The following ZNF107 variants were observed in gnomAD, a reference collection of about 807,000 sequenced individuals.
ZNF107 encodes the protein zinc finger protein 107.
ZNF107 carries 19 observed loss-of-function variants against 12.3 expected under a neutral mutation model. That is an observed-to-expected ratio of 1.55 (90% CI 1.08 to 2.27). The LOEUF is 2.27. Ranked by LOEUF, ZNF107 falls within the 30% of genes most tolerant of loss-of-function variation. ZNF107 has a pLI of 0.00. For missense variants in ZNF107, 958 were observed against 979.9 expected (o/e 0.98, Z 0.30); for synonymous variants, 317 against 330.5 (o/e 0.96, Z 0.44).
intron 3 of ZNF107, among the ~76,000 whole-genome samples, chr7:64,704,831 A>G (rs1790587085): frequency 6.6e-6 from 1 of 152,156 alleles, no homozygotes; most frequent in South Asian, 2.1e-4. Flanking sequence ...GTGCACCACC[A>G]TGCCTCACTA....
intron 1 of ZNF107, among the ~76,000 whole-genome samples, chr7:64,675,521 C>G (rs1225082532): frequency 4.6e-5 from 7 of 151,890 alleles, no homozygotes; most frequent in Non-Finnish European, 8.8e-5. Flanking sequence ...GTTTATTTAA[C>G]TTATTAATTT....
intron 1 of ZNF107, among the ~76,000 whole-genome samples, chr7:64,675,024 T>C (rs1181730540): frequency 6.6e-6 from 1 of 152,226 alleles, no homozygotes; most frequent in East Asian, 1.9e-4. Flanking sequence ...TTGCTGATGA[T>C]TTTTGCATAA....
chr7:64,686,764 GT>G, intron 1 of ZNF107: 1 of 849,740 alleles, frequency 1.2e-6, no homozygotes, highest in Non-Finnish European at 1.4e-6. Flanking sequence ...CCAAAACCAT[GT>G]TGTAATTTTC....
chr7:64,672,771 G>T (rs557252616), intron 1 of ZNF107, among the ~76,000 whole-genome samples: 2 of 152,312 alleles, frequency 1.3e-5, no homozygotes, highest in East Asian at 3.9e-4. Flanking sequence ...GTGTCTCTGT[G>T]ATAGAATAAT....
chr7:64,708,214 A>C lies in ZNF107; in HGVS notation c.2117A>C (p.Gln706Pro). Residue 706 changes from glutamine to proline, a missense_variant, in exon 4 of 4, where the codon CAA becomes CCA. By Grantham distance (76) the Gln-to-Pro change is moderately conservative. Transcript: ENST00000620827. Reference protein sequence around the residue: ...KRIHTGEKPYQCAECGKAFNC... With the variant: ...KRIHTGEKPYPCAECGKAFNC... ...ATTCATACGGGAGAGAAACCTTACC[A>C]ATGTGCAGAATGTGGCAAAGCCTTT... is the stretch of plus-strand genomic sequence containing the variant. The C allele has an allele frequency of 6.2e-7, 1 of 1,613,352 alleles. No homozygotes were observed.
At chr7:64,676,678 C>G (rs930241148) in intron 1 of ZNF107, among the ~76,000 whole-genome samples, 1 of 152,188 alleles carries the variant, frequency 6.6e-6, no homozygotes, top group African/African-American at 2.4e-5. Context: ...AGATGAAAAG[C>G]TGCATACCTC....
At chr7:64,696,347 C>G (rs1584484271) in intron 3 of ZNF107, among the ~76,000 whole-genome samples, 1 of 152,164 alleles carries the variant, frequency 6.6e-6, no homozygotes, top group East Asian at 1.9e-4. Context: ...CGCATCCAGC[C>G]TACAGTTTTT....
intron 1 of ZNF107, chr7:64,679,341 G>C: frequency 5.1e-6 from 5 of 985,218 alleles, no homozygotes; most frequent in Non-Finnish European, 6.0e-6. Context: ...GGATAGGTAA[G>C]AGACCTCCAT....
chr7:64,687,448 G>GT (rs1789962221), intron 1 of ZNF107: 1 of 985,474 alleles, frequency 1.0e-6, no homozygotes, highest in Non-Finnish European at 1.2e-6. Flanking sequence ...GGCAGTTGGG[G>GT]TTATATATAG....
rs749112190 is a variant in ZNF107, at chr7:64,707,414, C to A, written c.1317C>A (p.Asn439Lys). 6.2e-7 allele frequency: 1 copy of A among 1,612,964 alleles called. No homozygotes were observed. The highest frequency in any genetic ancestry group is 1.3e-5 in the African/African-American group (1 of 74,818). Residue 439 changes from asparagine (N) to lysine (K), a missense_variant, in exon 4 of 4, where the codon AAC (asparagine) becomes AAA (lysine). Coordinates refer to ENST00000620827, the MANE Select transcript of ZNF107 (RefSeq NM_001282359.2). ...GCAAAGCTTTTAACCAATCTTCAAA[C>A]CTTACTGAACATAAGAAAATTCATA... ...ECGKAFNQSS[N>K]LTEHKKIHTA... is the part of the protein sequence containing the mutation.
At chr7:64,689,443 G>A (rs768693515) in intron 1 of ZNF107, 5 of 152,180 alleles carry the variant, frequency 3.3e-5, no homozygotes, top group African/African-American at 7.2e-5. Context: ...GAGGATCCAG[G>A]TGTAAATAGA....
At chr7:64,688,012 C>T (rs1281433994) in intron 1 of ZNF107, among the ~76,000 whole-genome samples, 1 of 152,156 alleles carries the variant, frequency 6.6e-6, no homozygotes, top group African/African-American at 2.4e-5. Flanking sequence ...TGCATGCTGT[C>T]CCCTAAATAT....
At chr7:64,691,810 G>T in intron 2 of ZNF107, 55 bp from the exon 3 acceptor site, 1 of 1,039,786 alleles carries the variant, frequency 9.6e-7, no homozygotes, top group Non-Finnish European at 1.3e-6. Flanking sequence ...TACTGGATTA[G>T]TAATTGGAGA....
chr7:64,709,592 T>C lies in ZNF107; in HGVS notation c.*936T>C. The C allele has an allele frequency of 2.4e-6, 1 of 418,190 alleles. No homozygotes were observed. The highest frequency in any genetic ancestry group is 1.7e-5 in the South Asian group (1 of 57,196). The allele number at this position is 418,190 out of a possible 1,614,324, so 25.9% of individuals were successfully genotyped here. On this transcript the variant is annotated 3_prime_UTR_variant, in exon 4 of 4. Coordinates refer to ENST00000620827, the MANE Select transcript of ZNF107 (RefSeq NM_001282359.2). ...TGTCACACTTGATTGTAGGTAAGAA[T>C]CCATACTGAAGAAAACTCCTGGAAG...
At chr7:64,671,857 CT>C (rs1789241396) in intron 1 of ZNF107, among the ~76,000 whole-genome samples, 1 of 149,434 alleles carries the variant, frequency 6.7e-6, no homozygotes, top group Admixed American at 6.7e-5. Context: ...TCTCTGCTCA[CT>C]GCAAGCTCTG....
chr7:64,708,253 C>G lies in ZNF107; in HGVS notation c.2156C>G (p.Thr719Ser). 6.2e-7 allele frequency: 1 copy of G among 1,612,730 alleles called. No individual in the cohort carries two copies. Among genetic ancestry groups the G allele is most frequent in the Middle Eastern group, 1.7e-4 (1 of 6,052 alleles). ...ECGKAFNCSSTLNRHKIIHTG... is the reference protein window; with the variant it reads ...ECGKAFNCSSSLNRHKIIHTG... ...GGCAAAGCCTTTAACTGCTCCTCAA[C>G]CCTTAATAGACATAAGATAATTCAT... The change falls in exon 4 of 4, where the codon ACC (threonine) becomes AGC (serine). Residue 719 changes from threonine to serine, a missense_variant. Thr to Ser is a moderately conservative substitution (Grantham distance 58). Coordinates refer to ENST00000620827, the MANE Select transcript of ZNF107 (RefSeq NM_001282359.2).
intron 1 of ZNF107, among the ~76,000 whole-genome samples, chr7:64,682,376 G>C (rs1789716839): frequency 6.6e-6 from 1 of 152,024 alleles, no homozygotes; most frequent in Non-Finnish European, 1.5e-5. Context: ...TCCACCTCTA[G>C]GTACCTGGTT....
Position 64,708,154 on chromosome 7 carries a change from A to G in ZNF107, c.2057A>G (p.Tyr686Cys), listed in dbSNP as rs752128707. The change falls in exon 4 of 4, where the codon TAT (tyrosine) becomes TGT (cysteine). Residue 686 changes from tyrosine (Y) to cysteine (C), a missense_variant. Coordinates refer to ENST00000620827, the MANE Select transcript of ZNF107 (RefSeq NM_001282359.2). ...PHKCEECGKA[Y>C]NRFSNLTIHK... Reference sequence around the variant, plus strand: ...AAATGTGAAGAATGTGGAAAAGCTTATAACCGATTCTCAAACCTAACTATA... The same window carrying G: ...AAATGTGAAGAATGTGGAAAAGCTTGTAACCGATTCTCAAACCTAACTATA... The G allele has an allele frequency of 2.5e-6, 4 of 1,611,442 alleles. No homozygotes were observed. The Admixed American group carries it at 6.7e-5, about 27-fold the overall frequency.
rs776531463 is a variant in ZNF107, at chr7:64,708,203, G to T, written c.2106G>T (p.Glu702Asp). The change falls in exon 4 of 4, where the codon GAG (glutamate) becomes GAT (aspartate). Residue 702 changes from glutamate (E) to aspartate (D), a missense_variant. Coordinates refer to ENST00000620827, the MANE Select transcript of ZNF107 (RefSeq NM_001282359.2). ...LTIHKRIHTG[E>D]KPYQCAECGK... ...TACATAAGAGAATTCATACGGGAGA[G>T]AAACCTTACCAATGTGCAGAATGTG... The T allele has an allele frequency of 6.2e-7, 1 of 1,613,100 alleles. No homozygotes were observed. The highest frequency in any genetic ancestry group is 2.2e-5 in the East Asian group (1 of 44,838).
Sources: allele counts gnomAD v4.1 joint callset (sites outside exome capture counted in the v4.1 genomes callset), GRCh38; gene constraint gnomAD v4.1.1; transcripts MANE v1.5; gene names NCBI Gene and HGNC (gene_info 2026-07-23, HGNC 2026-07-21).